ENOX1: variants seen among roughly 807,000 people sequenced by gnomAD.
ENOX1 encodes candidate growth-related and time keeping constitutive hydroquinone (NADH) oxidase.
A neutral mutation model predicts 82.5 loss-of-function variants in ENOX1; 42 were observed. That is an observed-to-expected ratio of 0.51 (90% CI 0.40 to 0.66). The LOEUF is 0.66. ENOX1 is among the 30% of genes least tolerant of loss of function. ENOX1 has a pLI of 0.00. For synonymous variants in ENOX1, 271 were observed against 282.2 expected, an observed-to-expected ratio of 0.96 and a Z score of 0.40; for missense variants, 608 against 811.6, an observed-to-expected ratio of 0.75 and a Z score of 3.05.
intron 3 of ENOX1, among the ~76,000 whole-genome samples, chr13:43,462,773 C>T (rs894013564): frequency 6.6e-6 from 1 of 152,098 alleles, no homozygotes; most frequent in African/African-American, 2.4e-5. Flanking sequence ...GTTAAGTCCC[C>T]ATAAACGAGT....
intron 2 of ENOX1, among the ~76,000 whole-genome samples, chr13:43,620,609 G>C (rs936556142): frequency 9.9e-5 from 15 of 152,070 alleles, no homozygotes; most frequent in African/African-American, 3.6e-4. Flanking sequence ...GTCTGACAGA[G>C]TGCTTGATAT....
At chr13:43,606,563 T>C (rs72623325) in intron 2 of ENOX1, among the ~76,000 whole-genome samples, 25,728 of 152,174 alleles carry the variant, frequency 0.17, 2,835 homozygotes, top group East Asian at 0.47. Context: ...AAACTTCTCA[T>C]GTTCTTACTT....
At chr13:43,247,879 A>T (rs1276558947) in intron 14 of ENOX1, among the ~76,000 whole-genome samples, 7,310 of 12,084 alleles carry the variant, frequency 0.6, 1,783 homozygotes, top group East Asian at 0.78. Flanking sequence ...ATATATATAT[A>T]TATATTTTTT....
chr13:43,224,188 C>T (rs2041925894), intron 15 of ENOX1, 50 bp from the exon 16 acceptor site: 1 of 1,453,294 alleles, frequency 6.9e-7, no homozygotes, highest in Admixed American at 1.7e-5. Context: ...ATATGAGAGT[C>T]TCTGGTTAAA....
intron 1 of ENOX1, among the ~76,000 whole-genome samples, chr13:43,758,381 C>T (rs938690305): frequency 2.0e-5 from 3 of 152,060 alleles, no homozygotes; most frequent in Non-Finnish European, 4.4e-5. Context: ...AAGACAATCT[C>T]GAAAGGCTGA....
At chr13:43,738,857 C>T (rs978221114) in intron 1 of ENOX1, among the ~76,000 whole-genome samples, 1 of 152,154 alleles carries the variant, frequency 6.6e-6, no homozygotes, top group African/African-American at 2.4e-5. Context: ...TTACCTGGCC[C>T]ATTTCTGCTT....
intron 3 of ENOX1, among the ~76,000 whole-genome samples, chr13:43,473,369 A>G (rs1057347501): frequency 1.3e-5 from 2 of 152,214 alleles, no homozygotes; most frequent in African/African-American, 4.8e-5. Context: ...GGGATTACAC[A>G]TTCTCTGCTA....
chr13:43,335,200 G>T (rs1340001498), intron 9 of ENOX1, among the ~76,000 whole-genome samples: 1 of 152,128 alleles, frequency 6.6e-6, no homozygotes, highest in African/African-American at 2.4e-5. Context: ...CACATAAGTG[G>T]TTTCTCTCCT....
At chr13:43,633,443 T>C (rs2083294517) in intron 2 of ENOX1, among the ~76,000 whole-genome samples, 1 of 152,158 alleles carries the variant, frequency 6.6e-6, no homozygotes, top group Non-Finnish European at 1.5e-5. Context: ...TACAAGGTAG[T>C]TCACCACAGC....
At chr13:43,776,993 A>G (rs894903314) in intron 1 of ENOX1, among the ~76,000 whole-genome samples, 1 of 152,210 alleles carries the variant, frequency 6.6e-6, no homozygotes, top group Non-Finnish European at 1.5e-5. Flanking sequence ...GCTGTACCCA[A>G]CACCAGAGAG....
intron 1 of ENOX1, among the ~76,000 whole-genome samples, chr13:43,704,730 G>C (rs1056715046): frequency 6.6e-6 from 1 of 152,172 alleles, no homozygotes; most frequent in African/African-American, 2.4e-5. Context: ...CATGGGGCAA[G>C]ACTCCAAAGA....
At chr13:43,630,687 T>A (rs1426366091) in intron 2 of ENOX1, among the ~76,000 whole-genome samples, 4 of 151,934 alleles carry the variant, frequency 2.6e-5, no homozygotes, top group Admixed American at 1.3e-4. Context: ...ATACTTCTGA[T>A]AAAATATTTA....
chr13:43,574,200 T>C (rs141611124), intron 2 of ENOX1, among the ~76,000 whole-genome samples: 184 of 152,340 alleles, frequency 1.2e-3, no homozygotes, highest in Non-Finnish European at 2.1e-3. Context: ...TAATGCTGCA[T>C]ATGACAGACT....
At chr13:43,320,895 T>C (rs1012990233) in intron 11 of ENOX1, among the ~76,000 whole-genome samples, 5 of 152,214 alleles carry the variant, frequency 3.3e-5, no homozygotes, top group African/African-American at 1.2e-4. Flanking sequence ...TCTTTTGCTA[T>C]GTGAAGGTTT....
At chr13:43,489,241 G>T (rs1302659206) in intron 2 of ENOX1, among the ~76,000 whole-genome samples, 3 of 152,134 alleles carry the variant, frequency 2.0e-5, no homozygotes, top group African/African-American at 7.2e-5. Context: ...GGGGCCCAGG[G>T]TGCCTGGGGG....
chr13:43,322,272 G>A (rs2047853209), intron 11 of ENOX1, 112 bp downstream of exon 11: 2 of 763,050 alleles, frequency 2.6e-6, no homozygotes, highest in South Asian at 3.9e-5. Context: ...AAAGATGAAA[G>A]TTTAGTATAA....
At chr13:43,661,638 C>T (rs2084734855) in intron 2 of ENOX1, among the ~76,000 whole-genome samples, 1 of 152,154 alleles carries the variant, frequency 6.6e-6, no homozygotes, top group Admixed American at 6.5e-5. Context: ...GATCCAAAGT[C>T]ATGTGAAGCT....
chr13:43,772,440 T>G (rs1379652774), intron 1 of ENOX1, among the ~76,000 whole-genome samples: 1 of 152,112 alleles, frequency 6.6e-6, no homozygotes, highest in Non-Finnish European at 1.5e-5. Context: ...CCCTCCCACC[T>G]AGATGGACTG....
chr13:43,317,353 T>C (rs1407883899), intron 11 of ENOX1, among the ~76,000 whole-genome samples: 1 of 152,168 alleles, frequency 6.6e-6, no homozygotes, highest in Non-Finnish European at 1.5e-5. Context: ...CTCTCCTTCT[T>C]CTGTGCCTGG....
Sources: allele counts gnomAD v4.1 joint callset (sites outside exome capture counted in the v4.1 genomes callset), GRCh38; gene constraint gnomAD v4.1.1; transcripts MANE v1.5; gene names NCBI Gene and HGNC (gene_info 2026-07-23, HGNC 2026-07-21).